Variants in CACNA1B observed in about 807,000 individuals in gnomAD.
The protein encoded by CACNA1B is voltage-dependent N-type calcium channel subunit alpha-1B.
In CACNA1B, 70 loss-of-function variants were observed where a neutral mutation model predicts 247.2. The observed-to-expected ratio is 0.28, with a 90% CI of 0.23 to 0.35. The LOEUF (loss-of-function observed/expected upper bound fraction) is 0.35. CACNA1B is among the 10% of genes least tolerant of loss of function. CACNA1B has a pLI of 1.00. For missense variants in CACNA1B, 2,367 were observed against 3,197.4 expected, an observed-to-expected ratio of 0.74 and a Z score of 6.26; for synonymous variants, 1,231 against 1,294.4, an observed-to-expected ratio of 0.95 and a Z score of 1.05.
At chr9:137,901,590 C>T (rs920342729) in intron 3 of CACNA1B, among the ~76,000 whole-genome samples, 4 of 152,044 alleles carry the variant, frequency 2.6e-5, no homozygotes, top group Non-Finnish European at 5.9e-5. Context: ...TTAAACATTT[C>T]ATGGCTCCTG....
intron 7 of CACNA1B, among the ~76,000 whole-genome samples, chr9:137,953,718 A>G (rs1472717318): frequency 6.6e-6 from 1 of 152,142 alleles, no homozygotes; most frequent in Non-Finnish European, 1.5e-5. Flanking sequence ...TCTTTCAGGC[A>G]GAGAACAGCT....
chr9:138,074,683 G>A (rs1371711626), intron 34 of CACNA1B, among the ~76,000 whole-genome samples: 6 of 152,256 alleles, frequency 3.9e-5, no homozygotes, highest in African/African-American at 7.2e-5. Context: ...TGGATGCACC[G>A]TGGTGTTCTT....
chr9:138,100,108 T>C lies in CACNA1B; in HGVS notation c.5223-2603T>C, dbSNP rs890525584. 6.6e-6 allele frequency among the ~76,000 whole-genome samples: 1 copy of C among 152,088 alleles called. No individual in the cohort carries two copies. The highest frequency in any genetic ancestry group is 1.5e-5 in the Non-Finnish European group (1 of 68,020). ...CCTGAAGAATGAGAGGAGGTGCCAT[T>C]TGAGCTGAACTTAAAGGAATAGGAA... is the stretch of plus-strand genomic sequence containing the variant. On this transcript the variant is annotated intron_variant, in intron 37 of 46. Coordinates refer to ENST00000371372, the MANE Select transcript of CACNA1B (RefSeq NM_000718.4). The surrounding 1 kb of genome is among the most constrained non-coding windows in gnomAD (Gnocchi z 4.6).
intron 37 of CACNA1B, chr9:138,101,162 G>A (rs1462650509): frequency 1.9e-6 from 1 of 533,150 alleles, no homozygotes; most frequent in South Asian, 1.4e-5. Context: ...GCCACCCGTT[G>A]GCTTAGGGAA....
In CACNA1B at chr9:137,957,320, G is replaced by C. The variant is rs933559254; in HGVS notation, c.1244-278G>C. ...AGTCCTGGCCTTGCCCCAGATGGAC[G>C]TTTCCTGGTCTCCCTGGTGGCCAGG... On this transcript the variant is annotated intron_variant, in intron 9 of 46. Transcript: ENST00000371372. The surrounding 1 kb of genome is among the most constrained non-coding windows in gnomAD (Gnocchi z 4.7). Among the ~76,000 whole-genome samples the C allele has an allele frequency of 6.6e-6, 1 of 152,248 alleles. No homozygotes were observed. The highest frequency in any genetic ancestry group is 2.4e-5 in the African/African-American group (1 of 41,466).
At chr9:137,909,820 G>A (rs996458396) in intron 3 of CACNA1B, among the ~76,000 whole-genome samples, 2 of 151,906 alleles carry the variant, frequency 1.3e-5, no homozygotes, top group Admixed American at 6.6e-5. Flanking sequence ...ACCCAGGCTG[G>A]AGTGCAGTGG....
Position 138,124,069 on chromosome 9 carries a change from A to T in CACNA1B, c.*2070A>T, listed in dbSNP as rs201963814. On this transcript the variant is annotated 3_prime_UTR_variant, in exon 47 of 47. Coordinates refer to ENST00000371372, the MANE Select transcript of CACNA1B (RefSeq NM_000718.4). The stretch of plus-strand genomic sequence containing the variant: ...TAGACTCTTCTAGGCATTGGAATTG[A>T]TGAAAACTACAGGGAGCGGGGAAAG... 1 of 152,202 alleles carries T rather than the reference A, an allele frequency of 6.6e-6. No homozygotes were observed. Among genetic ancestry groups the T allele is most frequent in the Non-Finnish European group, 1.5e-5 (1 of 68,042 alleles). 9.4% of individuals were successfully genotyped at this position (152,202 alleles called of 1,614,324 possible). A position where few individuals can be genotyped will look rare whatever the true frequency, so the allele number is the denominator to read the frequency against.
rs187073623 is a variant in CACNA1B, at chr9:138,114,216, G to A, written c.5537-162G>A. Among the ~76,000 whole-genome samples the A allele has an allele frequency of 6.9e-4, 105 of 152,240 alleles. 1 individual carries two copies. The East Asian group carries it at 0.017, about 24-fold the overall frequency. ...TAGGTAGGCCAAACTCCTGGTGGCCGAGCCCCATGTTCTGCCTGAGAGCCC... is the reference window on the plus strand; with the variant it reads ...TAGGTAGGCCAAACTCCTGGTGGCCAAGCCCCATGTTCTGCCTGAGAGCCC... On this transcript the variant is annotated intron_variant, in intron 40 of 46. Coordinates refer to ENST00000371372, the MANE Select transcript of CACNA1B (RefSeq NM_000718.4).
intron 20 of CACNA1B, among the ~76,000 whole-genome samples, chr9:138,032,043 G>T (rs1958993572): frequency 6.6e-6 from 1 of 151,802 alleles, no homozygotes; most frequent in Non-Finnish European, 1.5e-5. Flanking sequence ...TTCTTATTTT[G>T]TTTTTCTCTT....
At position 138,120,167 on chromosome 9, in the gene CACNA1B, C is replaced by T. The variant is rs199504518; in HGVS notation, c.6033C>T (p.Pro2011=). 187 of 1,598,660 alleles carry T rather than the reference C, an allele frequency of 1.2e-4. No homozygotes were observed. The highest frequency in any genetic ancestry group is 3.0e-4 in the African/African-American group (22 of 74,260). Reference sequence around the variant, plus strand: ...CACTCTCAGTCCTTTGCCCACAGCCCGTCACAGATGCCAGCCCCATGAAGC... The same window carrying T: ...CACTCTCAGTCCTTTGCCCACAGCCTGTCACAGATGCCAGCCCCATGAAGC... The part of the protein sequence containing the change: ...SMPRLAAETQ[P]VTDASPMKRS... The change falls in exon 45 of 47, where the codon CCC becomes CCT. Residue 2011 remains proline (P), a splice_region_variant and synonymous_variant. Coordinates refer to ENST00000371372, the MANE Select transcript of CACNA1B (RefSeq NM_000718.4).
chr9:138,064,699 G>C (rs555125608), intron 31 of CACNA1B, among the ~76,000 whole-genome samples: 1 of 152,162 alleles, frequency 6.6e-6, no homozygotes, highest in African/African-American at 2.4e-5. Context: ...TTGAGGCCTC[G>C]CTGCCCACTG....
intron 10 of CACNA1B, among the ~76,000 whole-genome samples, chr9:137,965,879 A>G (rs1284002871): frequency 6.6e-6 from 1 of 152,072 alleles, no homozygotes; most frequent in Non-Finnish European, 1.5e-5. Flanking sequence ...CACTGTGCCC[A>G]GCTCATTTTA....
chr9:137,883,126 G>A, intron 3 of CACNA1B: 2 of 513,198 alleles, frequency 3.9e-6, no homozygotes, highest in East Asian at 3.4e-5. Flanking sequence ...TCCCCAGGAG[G>A]CGCTGGCTTG....
chr9:138,109,498 C>G (rs1011463029), intron 39 of CACNA1B, among the ~76,000 whole-genome samples: 14 of 152,192 alleles, frequency 9.2e-5, no homozygotes, highest in African/African-American at 2.7e-4. Context: ...AGACTTGCCT[C>G]TGTGTGTGCA....
At chr9:137,890,160 G>C (rs1160888178) in intron 3 of CACNA1B, 1 of 150,050 alleles carries the variant, frequency 6.7e-6, no homozygotes, top group African/African-American at 2.4e-5. Context: ...AGCAGCGCGG[G>C]GCTGGCTCAC....
intron 39 of CACNA1B, among the ~76,000 whole-genome samples, chr9:138,107,841 C>T (rs974645484): frequency 5.3e-5 from 8 of 151,896 alleles, no homozygotes; most frequent in Admixed American, 2.6e-4. Context: ...AAAAATTAGC[C>T]GGGCATGGTG....
rs896770302 is a variant in CACNA1B, at chr9:138,100,914, G to A, written c.5223-1797G>A. Among the ~76,000 whole-genome samples the A allele has an allele frequency of 5.9e-5, 9 of 152,052 alleles. No individual in the cohort carries two copies. Among genetic ancestry groups the A allele is most frequent in the African/African-American group, 1.2e-4 (5 of 41,392 alleles). ...GCACACATCGGGCTCCGGAAATTTCGCTGGGGTTGCCACACCTCCCGGGGA... is the reference window on the plus strand; with the variant it reads ...GCACACATCGGGCTCCGGAAATTTCACTGGGGTTGCCACACCTCCCGGGGA... On this transcript the variant is annotated intron_variant, in intron 37 of 46. Transcript: ENST00000371372. This position sits in a 1 kb window ranked among gnomAD's most constrained non-coding sequence, Gnocchi z 4.6.
chr9:137,914,117 C>T lies in CACNA1B; in HGVS notation c.623-537C>T, dbSNP rs573907098. 3.2e-4 allele frequency among the ~76,000 whole-genome samples: 49 copies of T among 152,214 alleles called. No homozygotes were observed. The highest frequency in any genetic ancestry group is 6.0e-4 in the Non-Finnish European group (41 of 67,984). On this transcript the variant is annotated intron_variant, in intron 4 of 46. Coordinates refer to ENST00000371372, the MANE Select transcript of CACNA1B (RefSeq NM_000718.4). The surrounding 1 kb of genome is among the most constrained non-coding windows in gnomAD (Gnocchi z 4.3). The stretch of plus-strand genomic sequence containing the variant: ...CTGTTAGGAATACCTGTACTTCTCC[C>T]CCAGGATCCCCTGCTCTTCCCTCCC...
At chr9:137,951,274 G>C (rs757326620) in intron 6 of CACNA1B, among the ~76,000 whole-genome samples, 13 of 152,260 alleles carry the variant, frequency 8.5e-5, no homozygotes, top group Non-Finnish European at 1.9e-4. Flanking sequence ...CCTGGAATCA[G>C]TGTCCAAGGG....
Sources: allele counts gnomAD v4.1 joint callset (sites outside exome capture counted in the v4.1 genomes callset), GRCh38; gene constraint gnomAD v4.1.1; non-coding constraint Gnocchi (gnomAD v3.1); transcripts MANE v1.5; gene names NCBI Gene and HGNC (gene_info 2026-07-23, HGNC 2026-07-21).